Variants in SYNE1 observed in about 807,000 individuals in gnomAD.
The protein encoded by SYNE1 is spectrin repeat containing nuclear envelope protein 1.
SYNE1 carries 616 observed loss-of-function variants against 1,111.0 expected under a neutral mutation model. The ratio of observed to expected loss-of-function variants is 0.55; its 90% CI spans 0.52 to 0.59. The LOEUF is 0.59. Among genes scored for constraint, SYNE1 ranks in the 20% least tolerant of loss-of-function variants. The probability of loss-of-function intolerance (pLI) is 0.00; values close to 1 mark genes in which losing one functional copy is unlikely to be tolerated. For synonymous variants in SYNE1, 3,855 were observed against 3,825.8 expected (o/e 1.01, Z -0.28); for missense variants, 10,006 against 10,417.0 (o/e 0.96, Z 1.72).
chr6:152,507,447 GA>G (rs2099063533), intron 8 of SYNE1, among the ~76,000 whole-genome samples: 1 of 151,882 alleles, frequency 6.6e-6, no homozygotes, highest in Admixed American at 6.6e-5. Flanking sequence ...TATATTTGTT[GA>G]AAAAATATAT....
At chr6:152,136,878 G>C in intron 140 of SYNE1, 60 bp from the exon 141 acceptor site, 1 of 1,576,836 alleles carries the variant, frequency 6.3e-7, no homozygotes, top group Middle Eastern at 1.7e-4. Context: ...ATTTTCCCTT[G>C]AAAATGTTTC....
chr6:152,431,850 TTG>T (rs1321748812), intron 34 of SYNE1, among the ~76,000 whole-genome samples: 2 of 152,178 alleles, frequency 1.3e-5, no homozygotes, highest in African/African-American at 4.8e-5. Context: ...TATTTGTTAT[TTG>T]AGCATTTATA....
intron 98 of SYNE1, among the ~76,000 whole-genome samples, chr6:152,270,029 A>G (rs1457538693): frequency 2.0e-5 from 3 of 152,168 alleles, no homozygotes; most frequent in Non-Finnish European, 4.4e-5. Flanking sequence ...CCTCCACCAC[A>G]GTAACTCAAG....
At chr6:152,287,379 C>T (rs1398361265) in intron 95 of SYNE1, among the ~76,000 whole-genome samples, 6 of 152,142 alleles carry the variant, frequency 3.9e-5, no homozygotes, top group Non-Finnish European at 8.8e-5. Flanking sequence ...ACCCATTTGG[C>T]TGTTTGTGCA....
intron 117 of SYNE1, among the ~76,000 whole-genome samples, chr6:152,222,358 T>A (rs1156265592): frequency 6.6e-6 from 1 of 152,186 alleles, no homozygotes; most frequent in Non-Finnish European, 1.5e-5. Context: ...ACGTGCTATC[T>A]GCCAAACTGT....
intron 115 of SYNE1, among the ~76,000 whole-genome samples, chr6:152,226,929 A>C (rs1302791639): frequency 6.6e-6 from 1 of 152,188 alleles, no homozygotes; most frequent in Non-Finnish European, 1.5e-5. Context: ...TCAGAACTAA[A>C]AGCAGATTTG....
At chr6:152,170,861 T>C (rs1368720172) in intron 130 of SYNE1, among the ~76,000 whole-genome samples, 1 of 152,152 alleles carries the variant, frequency 6.6e-6, no homozygotes, top group Non-Finnish European at 1.5e-5. Flanking sequence ...ACAATTCCTA[T>C]GCGTTGTGGA....
intron 3 of SYNE1, among the ~76,000 whole-genome samples, chr6:152,561,932 C>T (rs556454917): frequency 3.9e-5 from 6 of 152,188 alleles, no homozygotes; most frequent in South Asian, 2.1e-4. Flanking sequence ...AAGATTTAAA[C>T]GTAAGTCCTG....
intron 39 of SYNE1, among the ~76,000 whole-genome samples, chr6:152,422,630 G>A (rs1011325423): frequency 6.6e-6 from 1 of 152,092 alleles, no homozygotes; most frequent in Admixed American, 6.6e-5. Flanking sequence ...AGCTTTCTGA[G>A]CAGCTGAGAC....
intron 4 of SYNE1, among the ~76,000 whole-genome samples, chr6:152,529,596 G>A (rs1377210674): frequency 6.6e-6 from 1 of 152,164 alleles, no homozygotes; most frequent in African/African-American, 2.4e-5. Flanking sequence ...AAGTGCTGCT[G>A]AACTCATGGT....
intron 46 of SYNE1, among the ~76,000 whole-genome samples, chr6:152,403,692 A>T (rs2097852807): frequency 1.3e-5 from 2 of 152,272 alleles, no homozygotes; most frequent in South Asian, 4.1e-4. Context: ...ACTGCACTCC[A>T]CCCTGGGTGA....
At chr6:152,139,717 A>AAAAGAAAGAAAG (rs138419982) in intron 140 of SYNE1, among the ~76,000 whole-genome samples, 22 of 95,422 alleles carry the variant, frequency 2.3e-4, no homozygotes, top group African/African-American at 8.5e-4. Flanking sequence ...AAAAGAAAGA[A>AAAAGAAAGAAAG]AAAGAAAGAA....
chr6:152,211,599 A>T lies in SYNE1; in HGVS notation c.22495-11T>A. On this transcript the variant is annotated splice_polypyrimidine_tract_variant and intron_variant, in intron 123 of 145. Transcript: ENST00000367255. ...CTCGGCTTGAAACAACTATAATTTA[A>T]AAAAAAGAAGAACATACTTTAGAGT... 6.2e-7 allele frequency: 1 copy of T among 1,610,022 alleles called. No individual in the cohort carries two copies. The highest frequency in any genetic ancestry group is 2.2e-5 in the East Asian group (1 of 44,790).
At position 152,214,983 on chromosome 6, in the gene SYNE1, A is replaced by G. The variant is rs763628085; in HGVS notation, c.22269T>C (p.Asn7423=). Residue 7423 remains asparagine, a synonymous_variant, in exon 122 of 146, where the codon AAT becomes AAC. Coordinates refer to ENST00000367255, the MANE Select transcript of SYNE1 (RefSeq NM_182961.4). ...TCTGCATTCTTTTGATTTCCTTATC[A>G]TTCAAGGGTAACCTATATCCAAGCT... ...LNELGYRLPL[N]DKEIKRMQNL... 1 of 1,614,166 alleles carries G rather than the reference A, an allele frequency of 6.2e-7. No individual in the cohort carries two copies. Among genetic ancestry groups the G allele is most frequent in the South Asian group, 1.1e-5 (1 of 91,084 alleles).
At chr6:152,300,044 CT>C (rs993991042) in intron 93 of SYNE1, among the ~76,000 whole-genome samples, 3 of 151,910 alleles carry the variant, frequency 2.0e-5, no homozygotes, top group African/African-American at 7.3e-5. Context: ...TAAAAGGCTT[CT>C]TATAACTAAA....
chr6:152,564,565 C>T (rs1390957167), intron 3 of SYNE1, among the ~76,000 whole-genome samples: 3 of 152,150 alleles, frequency 2.0e-5, no homozygotes, highest in Non-Finnish European at 2.9e-5. Flanking sequence ...GATCTGCCCA[C>T]CTTGGCCTCC....
intron 126 of SYNE1, among the ~76,000 whole-genome samples, chr6:152,205,415 C>T (rs535472515): frequency 6.6e-6 from 1 of 152,310 alleles, no homozygotes; most frequent in East Asian, 1.9e-4. Context: ...ACAATGGCCA[C>T]ATGGAGGTGG....
intron 3 of SYNE1, among the ~76,000 whole-genome samples, chr6:152,559,876 T>C (rs1456324206): frequency 6.6e-6 from 1 of 152,024 alleles, no homozygotes; most frequent in Admixed American, 6.6e-5. Flanking sequence ...AATTACAAAC[T>C]TTTAGCTAGA....
At chr6:152,152,844 C>G (rs1363747229) in intron 133 of SYNE1, among the ~76,000 whole-genome samples, 1 of 151,878 alleles carries the variant, frequency 6.6e-6, no homozygotes, top group South Asian at 2.1e-4. Context: ...GCTAGTGTAC[C>G]ACCCACACAG....
Sources: gnomAD v4.1 joint callset for allele counts (sites outside exome capture counted in the v4.1 genomes callset) on GRCh38, gnomAD v4.1.1 for gene constraint, MANE v1.5 for transcripts, NCBI Gene and HGNC (gene_info 2026-07-23, HGNC 2026-07-21) for gene names.